Variants in STK32B observed in about 807,000 individuals in gnomAD.
The protein encoded by STK32B is serine/threonine kinase 32B.
In STK32B, 43 loss-of-function variants were observed where a neutral mutation model predicts 52.6. The observed-to-expected ratio is 0.82, with a 90% CI of 0.64 to 1.05. The LOEUF is 1.05. Ranked by LOEUF, STK32B falls within the 50% of genes least tolerant of loss-of-function variation. The pLI, the probability that STK32B is intolerant of heterozygous loss-of-function variation, is 0.00. For missense variants in STK32B, 621 were observed against 534.6 expected, an observed-to-expected ratio of 1.16 and a Z score of -1.59; for synonymous variants, 238 against 204.3, an observed-to-expected ratio of 1.17 and a Z score of -1.41.
At chr4:5,135,760 G>A (rs1040868086) in intron 1 of STK32B, among the ~76,000 whole-genome samples, 9 of 152,158 alleles carry the variant, frequency 5.9e-5, no homozygotes, top group African/African-American at 2.2e-4. Flanking sequence ...AAGTGGTAGA[G>A]TGGAAGGGCT....
the STK32B span, chr4:5,019,562 G>C: frequency 2.5e-6 from 3 of 1,180,622 alleles, no homozygotes; most frequent in African/African-American, 4.8e-5. Context: ...GTCCATCCAG[G>C]GTGGCAGAGA....
At chr4:5,152,471 T>C (rs991924772) in intron 2 of STK32B, among the ~76,000 whole-genome samples, 7 of 152,154 alleles carry the variant, frequency 4.6e-5, no homozygotes, top group African/African-American at 1.7e-4. Context: ...TTGAAGATGA[T>C]CCCAGGAAAT....
chr4:5,253,999 C>A (rs1726129402), intron 3 of STK32B, among the ~76,000 whole-genome samples: 1 of 152,066 alleles, frequency 6.6e-6, no homozygotes, highest in Non-Finnish European at 1.5e-5. Context: ...GTTGGCCAGG[C>A]TGGTCTTGAA....
intron 1 of STK32B, among the ~76,000 whole-genome samples, chr4:5,055,263 A>AT (rs36123548): frequency 0.014 from 2,025 of 139,964 alleles, 30 homozygotes; most frequent in African/African-American, 0.036. Context: ...CTAATTTTTA[A>AT]TTTTTTTTTT....
rs1039564962 is a variant in STK32B at position 5,378,229 on chromosome 4, G to A, written c.435-19978G>A. ...AGCAGGCACTTTATGAAAGACAGAC[G>A]TTAGAGGGGAGGGAAGACAGGCAAG... is the stretch of plus-strand genomic sequence containing the variant. On this transcript the variant is annotated intron_variant, in intron 4 of 11. Coordinates refer to ENST00000282908, the MANE Select transcript of STK32B (RefSeq NM_018401.3). The surrounding 1 kb of genome is among the most constrained non-coding windows in gnomAD (Gnocchi z 4.4). Among the ~76,000 whole-genome samples, 1 of 152,192 alleles carries A rather than the reference G, an allele frequency of 6.6e-6. No homozygotes were observed. The highest frequency in any genetic ancestry group is 1.5e-5 in the Non-Finnish European group (1 of 68,038).
rs143155355 is a variant in STK32B, at chr4:5,422,011, C to T, written c.562+5077C>T. Among the ~76,000 whole-genome samples the T allele has an allele frequency of 9.8e-5, 15 of 152,318 alleles. No individual in the cohort carries two copies. In the East Asian group the frequency reaches 1.4e-3, roughly 14 times the overall value. On this transcript the variant is annotated intron_variant, in intron 6 of 11. Transcript: ENST00000282908. ...ACACTGAGCTCCTGAATTATAAAGA[C>T]GACTTTCTCAGCCAAGAAATAAGTT...
At chr4:5,374,879 G>T (rs1460463021) in intron 4 of STK32B, among the ~76,000 whole-genome samples, 1 of 152,178 alleles carries the variant, frequency 6.6e-6, no homozygotes, top group Non-Finnish European at 1.5e-5. Flanking sequence ...ACCACTGCCT[G>T]CCAAGGGTGC....
At chr4:5,357,293 G>T (rs1244050355) in intron 4 of STK32B, among the ~76,000 whole-genome samples, 3 of 123,182 alleles carry the variant, frequency 2.4e-5, no homozygotes, top group Non-Finnish European at 4.8e-5. Flanking sequence ...AACTACAATG[G>T]ATAAATACAC....
intron 3 of STK32B, among the ~76,000 whole-genome samples, chr4:5,206,086 G>T (rs939563577): frequency 6.6e-6 from 1 of 152,204 alleles, no homozygotes; most frequent in African/African-American, 2.4e-5. Flanking sequence ...TTGGTCTAGA[G>T]TGTCCCCTTT....
chr4:5,284,286 G>A (rs1476833499), intron 3 of STK32B, among the ~76,000 whole-genome samples: 2 of 152,074 alleles, frequency 1.3e-5, no homozygotes, highest in East Asian at 3.8e-4. Flanking sequence ...AAAGAAGAAG[G>A]AAATAGTTTT....
chr4:5,246,085 C>T (rs1012764561), intron 3 of STK32B, among the ~76,000 whole-genome samples: 12 of 152,090 alleles, frequency 7.9e-5, no homozygotes, highest in Non-Finnish European at 8.8e-5. Flanking sequence ...ATCTTTGTGG[C>T]ATTCTCTGTA....
intron 1 of STK32B, among the ~76,000 whole-genome samples, chr4:5,079,098 C>G (rs1035494640): frequency 1.3e-5 from 2 of 152,030 alleles, no homozygotes; most frequent in Non-Finnish European, 2.9e-5. Flanking sequence ...TTTTTTACAT[C>G]CTAGTCATAC....
intron 3 of STK32B, among the ~76,000 whole-genome samples, chr4:5,244,555 G>T (rs942145304): frequency 1.8e-4 from 27 of 152,086 alleles, no homozygotes; most frequent in African/African-American, 6.3e-4. Context: ...TATTTGAAGG[G>T]TTTTTTGTGT....
intron 6 of STK32B, among the ~76,000 whole-genome samples, chr4:5,427,299 T>C (rs1163036859): frequency 6.6e-6 from 1 of 152,200 alleles, no homozygotes; most frequent in African/African-American, 2.4e-5. Flanking sequence ...TGTACTAATA[T>C]CTTGTTCATA....
At chr4:5,330,253 T>TA (rs1193022862) in intron 3 of STK32B, among the ~76,000 whole-genome samples, 1 of 152,200 alleles carries the variant, frequency 6.6e-6, no homozygotes, top group Admixed American at 6.5e-5. Context: ...TGATTAATAT[T>TA]ACATGATTCA....
At chr4:5,050,406 G>C, upstream of STK32B, among the ~76,000 whole-genome samples, 1 of 147,888 alleles carries the variant, frequency 6.8e-6, no homozygotes, top group Admixed American at 6.7e-5. Flanking sequence ...CTGCCTTTAA[G>C]AGATTTTTTG....
At chr4:5,387,606 C>G (rs1268872252) in intron 4 of STK32B, among the ~76,000 whole-genome samples, 7 of 152,240 alleles carry the variant, frequency 4.6e-5, no homozygotes, top group African/African-American at 1.7e-4. Context: ...GACACAGGAC[C>G]CTGGTGTATT....
chr4:5,271,347 A>G (rs1209507444), intron 3 of STK32B, among the ~76,000 whole-genome samples: 1 of 152,216 alleles, frequency 6.6e-6, no homozygotes, highest in African/African-American at 2.4e-5. Context: ...AACATTACTG[A>G]AAGAAGGCTT....
chr4:5,201,246 G>A (rs371988121), intron 3 of STK32B, among the ~76,000 whole-genome samples: 1 of 152,166 alleles, frequency 6.6e-6, no homozygotes, highest in Admixed American at 6.5e-5. Context: ...GAAAGTCAGT[G>A]TTGCTCACAG....
Sources: allele counts gnomAD v4.1 joint callset (sites outside exome capture counted in the v4.1 genomes callset), GRCh38; gene constraint gnomAD v4.1.1; non-coding constraint Gnocchi (gnomAD v3.1); transcripts MANE v1.5; gene names NCBI Gene and HGNC (gene_info 2026-07-23, HGNC 2026-07-21).